Variants in HERC2 observed in about 807,000 individuals in gnomAD.
The protein encoded by HERC2 is HECT and RLD domain containing E3 ubiquitin protein ligase 2.
HERC2 carries 102 observed loss-of-function variants against 537.7 expected under a neutral mutation model. The ratio of observed to expected loss-of-function variants is 0.19; its 90% CI spans 0.16 to 0.22. The LOEUF is 0.22. Among genes scored for constraint, HERC2 ranks in the 10% least tolerant of loss-of-function variants. The probability of loss-of-function intolerance (pLI) is 1.00; values close to 1 mark genes in which losing one functional copy is unlikely to be tolerated. For synonymous variants in HERC2, 2,224 were observed against 2,466.2 expected (o/e 0.90, Z 2.91); for missense variants, 4,236 against 6,198.2 (o/e 0.68, Z 10.63).
Position 28,191,211 on chromosome 15 carries a change from G to C in HERC2, c.8485C>G (p.Leu2829Val). ...ACGATCATTTTTAATCTATGAACAA[G>C]AACATCTGGGAAAATCTCCAAACGA... The part of the protein sequence containing the change: ...WIRLEIFPDV[L>V]VHRLKMIVDP... Residue 2829 changes from leucine (L) to valine (V), a missense_variant, in exon 54 of 93, where the codon CTT becomes GTT. By Grantham distance (32) the Leu-to-Val change is conservative. Transcript: ENST00000261609. 1 of 1,613,332 alleles carries C rather than the reference G, an allele frequency of 6.2e-7. No individual in the cohort carries two copies. Among genetic ancestry groups the C allele is most frequent in the South Asian group, 1.1e-5 (1 of 90,852 alleles).
At chr15:28,277,982 A>C (rs2075920876) in intron 5 of HERC2, among the ~76,000 whole-genome samples, 1 of 152,022 alleles carries the variant, frequency 6.6e-6, no homozygotes, top group Admixed American at 6.6e-5. Flanking sequence ...TCAGCCAGGC[A>C]CAGTGGCTCA....
At chr15:28,154,410 T>G (rs565470274) in intron 69 of HERC2, among the ~76,000 whole-genome samples, 1 of 152,344 alleles carries the variant, frequency 6.6e-6, no homozygotes, top group South Asian at 2.1e-4. Flanking sequence ...CTTGCCAACC[T>G]GGCAAGGGCA....
rs1566901786 is a variant in HERC2, at chr15:28,111,833, T to C, written c.14435A>G (p.Asp4812Gly). The C allele has an allele frequency of 6.2e-7, 1 of 1,614,246 alleles. No individual in the cohort carries two copies. The highest frequency in any genetic ancestry group is 8.5e-7 in the Non-Finnish European group (1 of 1,180,046). Residue 4812 changes from aspartate (D) to glycine (G), a missense_variant, in exon 93 of 93, where the codon GAC becomes GGC. This residue lies in a region of HERC2 where 313 missense variants were observed against 462.6 expected (regional missense o/e 0.68). Coordinates refer to ENST00000261609, the MANE Select transcript of HERC2 (RefSeq NM_004667.6). The part of the protein sequence containing the change: ...TGEPAADDSS[D>G]DSDNEDVDSF... ...GTCGACATCCTCGTTATCTGAATCG[T>C]CGCTGCTGTCGTCGGCGGCTGGCTC...
intron 37 of HERC2, among the ~76,000 whole-genome samples, chr15:28,219,770 C>G (rs1192196004): frequency 6.6e-6 from 1 of 152,220 alleles, no homozygotes; most frequent in Non-Finnish European, 1.5e-5. Context: ...CACTGCGGTG[C>G]TTCCGGAGGC....
chr15:28,298,987 G>A (rs1309331359), intron 3 of HERC2, among the ~76,000 whole-genome samples: 2 of 152,138 alleles, frequency 1.3e-5, no homozygotes, highest in East Asian at 3.9e-4. Context: ...AGTTTAGGGT[G>A]TATACAAGCA....
chr15:28,140,008 T>C (rs557040658), intron 78 of HERC2, among the ~76,000 whole-genome samples: 5 of 150,146 alleles, frequency 3.3e-5, no homozygotes, highest in South Asian at 4.2e-4. Context: ...GCAGAGGTTG[T>C]AGTGAGCCGA....
intron 35 of HERC2, 41 bp downstream of exon 35, chr15:28,228,177 T>C (rs778823886): frequency 8.3e-6 from 13 of 1,559,990 alleles, no homozygotes; most frequent in Middle Eastern, 1.7e-4. Flanking sequence ...AAGCAAAATC[T>C]TGACATTTTC....
intron 45 of HERC2, chr15:28,203,639 C>G (rs1372409954): frequency 6.6e-6 from 1 of 151,912 alleles, no homozygotes; most frequent in African/African-American, 2.4e-5. Flanking sequence ...GCATGCAAGA[C>G]GCGCATTTAA....
intron 26 of HERC2, among the ~76,000 whole-genome samples, chr15:28,235,577 C>T (rs1188822052): frequency 6.6e-6 from 1 of 152,198 alleles, no homozygotes; most frequent in Non-Finnish European, 1.5e-5. Flanking sequence ...AGCAGGAGAG[C>T]CCTGCTCCTC....
intron 23 of HERC2, among the ~76,000 whole-genome samples, chr15:28,244,939 G>C (rs2140782336): frequency 6.6e-6 from 1 of 152,264 alleles, no homozygotes; most frequent in South Asian, 2.1e-4. Flanking sequence ...CAGGAAGCTA[G>C]AACCATAGAA....
chr15:28,120,016 T>G (rs906425207), intron 86 of HERC2, among the ~76,000 whole-genome samples: 15 of 152,032 alleles, frequency 9.9e-5, no homozygotes, highest in African/African-American at 3.6e-4. Flanking sequence ...CTGCGTGCGG[T>G]TTTGAGGGAG....
At chr15:28,321,203 T>C (rs1463852536) in intron 2 of HERC2, among the ~76,000 whole-genome samples, 159 bp downstream of exon 2, 2 of 152,010 alleles carry the variant, frequency 1.3e-5, no homozygotes, top group African/African-American at 4.8e-5. Context: ...AAAACAGCCA[T>C]AAAGACTGTT....
intron 2 of HERC2, among the ~76,000 whole-genome samples, chr15:28,303,657 A>G (rs1240015961): frequency 6.6e-6 from 1 of 152,156 alleles, no homozygotes; most frequent in Non-Finnish European, 1.5e-5. Flanking sequence ...ACATTTTAAC[A>G]ATATTGATTC....
At chr15:28,311,704 T>C (rs2076950191) in intron 2 of HERC2, among the ~76,000 whole-genome samples, 1 of 151,822 alleles carries the variant, frequency 6.6e-6, no homozygotes, top group Non-Finnish European at 1.5e-5. Flanking sequence ...AGTCAACAAA[T>C]GGACTGTAGG....
At chr15:28,137,664 T>C (rs1322569490) in intron 78 of HERC2, among the ~76,000 whole-genome samples, 1 of 152,218 alleles carries the variant, frequency 6.6e-6, no homozygotes. Context: ...GCCAACCAGC[T>C]GTTCTCCCAT....
rs571060239 is a variant in HERC2 at position 28,161,578 on chromosome 15, A to G, written c.10746+1516T>C. On this transcript the variant is annotated intron_variant, in intron 69 of 92. Coordinates refer to ENST00000261609, the MANE Select transcript of HERC2 (RefSeq NM_004667.6). ...CTCACTTTATACTGCAGACCTACAG[A>G]CCAATTCAGCAGCTACTAGCCACAT... Among the ~76,000 whole-genome samples the G allele has an allele frequency of 7.6e-4, 116 of 152,316 alleles. 1 individual carries two copies. Among genetic ancestry groups the G allele is most frequent in the African/African-American group, 2.6e-3 (110 of 41,560 alleles).
intron 45 of HERC2, among the ~76,000 whole-genome samples, chr15:28,204,553 G>GA: frequency 6.6e-6 from 1 of 151,150 alleles, no homozygotes; most frequent in Admixed American, 6.6e-5. Flanking sequence ...CCAAGAGTCA[G>GA]AGGTTGCAGT....
At chr15:28,112,184 C>T (rs969440079) in intron 92 of HERC2, 149 bp from the exon 93 acceptor site, 5 of 712,618 alleles carry the variant, frequency 7.0e-6, no homozygotes, top group African/African-American at 1.8e-5. Context: ...TTAGGAGTAA[C>T]GAGGAGCAAT....
In HERC2 at chr15:28,201,522, C is replaced by T. The variant is rs755996017; in HGVS notation, c.7650G>A (p.Thr2550=). ...TCAAGAAATCAGCTCGTTTTTTGTA[C>T]GTCTGGCTCTCCGTCACAACAGCAC... is the stretch of plus-strand genomic sequence containing the variant. ...STGAVVTESQ[T]YKKRADFLSN... is the part of the protein sequence containing the mutation. Residue 2550 remains threonine, a synonymous_variant, in exon 48 of 93, where the codon ACG becomes ACA. Coordinates refer to ENST00000261609, the MANE Select transcript of HERC2 (RefSeq NM_004667.6). 5.0e-6 allele frequency: 8 copies of T among 1,613,142 alleles called. 2 individuals carry two copies. Among genetic ancestry groups the T allele is most frequent in the Middle Eastern group, 1.6e-4 (1 of 6,084 alleles).
Sources: gnomAD v4.1 joint callset for allele counts (sites outside exome capture counted in the v4.1 genomes callset) on GRCh38, gnomAD v4.1.1 for gene constraint, gnomAD v4.1.1 regional missense constraint, MANE v1.5 for transcripts, NCBI Gene and HGNC (gene_info 2026-07-23, HGNC 2026-07-21) for gene names.